The following ESYT3 variants were observed in gnomAD, a reference collection of about 807,000 sequenced individuals.
ESYT3 encodes extended synaptotagmin 3, also known as extended synaptotagmin-3.
Under a neutral mutation model 111.5 loss-of-function variants are expected in ESYT3, and 101 were observed. The ratio of observed to expected loss-of-function variants is 0.91; its 90% confidence interval spans 0.77 to 1.07. The LOEUF (loss-of-function observed/expected upper bound fraction) is 1.07. ESYT3 is among the 50% of genes least tolerant of loss of function. The probability of loss-of-function intolerance (pLI) is 0.00; values close to 1 mark genes in which losing one functional copy is unlikely to be tolerated. For synonymous variants in ESYT3, 416 were observed against 446.8 expected, an observed-to-expected ratio of 0.93 and a Z score of 0.87; for missense variants, 1,097 against 1,109.4, an observed-to-expected ratio of 0.99 and a Z score of 0.16.
At chr3:138,476,573 T>G (rs1397264009) in intron 22 of ESYT3, 81 bp downstream of exon 22, 2 of 1,418,242 alleles carry the variant, frequency 1.4e-6, no homozygotes, top group Non-Finnish European at 2.0e-6. Context: ...TCAGCTCCTT[T>G]GGTTATCAAG....
At chr3:138,462,862 C>T (rs2032722796) in intron 8 of ESYT3, among the ~76,000 whole-genome samples, 1 of 152,064 alleles carries the variant, frequency 6.6e-6, no homozygotes, top group Admixed American at 6.5e-5. Context: ...AGAGTTTTGC[C>T]ACGTTGGCCA....
intron 1 of ESYT3, among the ~76,000 whole-genome samples, chr3:138,439,237 A>G (rs2030957096): frequency 6.6e-6 from 1 of 152,050 alleles, no homozygotes; most frequent in Non-Finnish European, 1.5e-5. Flanking sequence ...CTTCCTAACT[A>G]CCTTTTCCTA....
Position 138,477,104 on chromosome 3 carries a change from T to G in ESYT3, c.*250T>G. 1 of 388,310 alleles carries G rather than the reference T, an allele frequency of 2.6e-6. No homozygotes were observed. The highest frequency in any genetic ancestry group is 4.1e-5 in the Admixed American group (1 of 24,334). The allele number at this position is 388,310 out of a possible 1,614,324, so 24.1% of individuals were successfully genotyped here. On this transcript the variant is annotated 3_prime_UTR_variant, in exon 23 of 23. Coordinates refer to ENST00000389567, the MANE Select transcript of ESYT3 (RefSeq NM_031913.5). ...TTTTGTTCAAGTCCAGAAAGAAATG[T>G]TATATTTGTGCCTACTAAATTATCC... is the stretch of plus-strand genomic sequence containing the variant.
rs199526713 is a variant in ESYT3, at chr3:138,476,802, C to T, written c.2625-16C>T. The T allele has an allele frequency of 6.8e-5, 110 of 1,613,450 alleles. No homozygotes were observed. Among genetic ancestry groups the T allele is most frequent in the East Asian group, 6.0e-4 (27 of 44,866 alleles). ...TGTCATTACTAACGTTAAGTCCAAA[C>T]GTAACTGTCTTACAGGTATGAGCTG... On this transcript the variant is annotated splice_polypyrimidine_tract_variant and intron_variant, in intron 22 of 22. Transcript: ENST00000389567.
intron 10 of ESYT3, 25 bp from the exon 11 acceptor site, chr3:138,467,536 A>G (rs767631019): frequency 6.2e-7 from 1 of 1,613,726 alleles, no homozygotes; most frequent in Non-Finnish European, 8.5e-7. Flanking sequence ...GAGCTGACCC[A>G]ATCCCCTCTC....
intron 11 of ESYT3, 44 bp downstream of exon 11, chr3:138,467,653 C>T: frequency 6.3e-7 from 1 of 1,595,238 alleles, no homozygotes; most frequent in Non-Finnish European, 8.6e-7. Flanking sequence ...TCAAGGTAGC[C>T]CTTTCCTGTG....
intron 10 of ESYT3, among the ~76,000 whole-genome samples, chr3:138,465,806 G>C (rs2032900254): frequency 6.6e-6 from 1 of 152,202 alleles, no homozygotes; most frequent in African/African-American, 2.4e-5. Context: ...CAGCCCTTCA[G>C]GGGTATGAGA....
Position 138,478,826 on chromosome 3 carries a change from G to C in ESYT3, c.*1972G>C, listed in dbSNP as rs2033601249. On this transcript the variant is annotated 3_prime_UTR_variant, in exon 23 of 23. Transcript: ENST00000389567. ...TGAGGACAAGAATTGGTTTTCAGCA[G>C]TGGGTGGAAACAATCAGCTAATATG... 6.6e-6 allele frequency: 1 copy of C among 152,248 alleles called. No homozygotes were observed. Among genetic ancestry groups the C allele is most frequent in the South Asian group, 2.1e-4 (1 of 4,830 alleles). The allele number at this position is 152,248 out of a possible 1,614,324, so 9.4% of individuals were successfully genotyped here.
intron 4 of ESYT3, among the ~76,000 whole-genome samples, chr3:138,458,444 G>A (rs890199162): frequency 3.3e-5 from 5 of 152,184 alleles, no homozygotes; most frequent in South Asian, 2.1e-4. Flanking sequence ...GGCAGCCCCC[G>A]GGGTCCCCAT....
intron 10 of ESYT3, 138 bp downstream of exon 10, chr3:138,465,559 C>A: frequency 1.5e-6 from 1 of 649,982 alleles, no homozygotes; most frequent in Non-Finnish European, 2.7e-6. Flanking sequence ...TGCCAGGCAA[C>A]CTGCCTCACC....
rs1328087405 is a variant in ESYT3, at chr3:138,439,659, G to A, written c.327+4534G>A. Among the ~76,000 whole-genome samples, 3 of 152,136 alleles carry A rather than the reference G, an allele frequency of 2.0e-5. No individual in the cohort carries two copies. The East Asian group carries it at 5.8e-4, about 29-fold the overall frequency. On this transcript the variant is annotated intron_variant, in intron 1 of 22. Transcript: ENST00000389567. Reference sequence around the variant, plus strand: ...GATCAGTGCTTCAACTGGATGATTGGGTTGCTTATCAGATATTGATTTGCC... The same window carrying A: ...GATCAGTGCTTCAACTGGATGATTGAGTTGCTTATCAGATATTGATTTGCC...
At chr3:138,480,604 T>A (rs1351112059), downstream of ESYT3, 1 of 152,216 alleles carries the variant, frequency 6.6e-6, no homozygotes, top group Non-Finnish European at 1.5e-5. Context: ...TCAATCTATA[T>A]GAATACATTC....
In ESYT3 at chr3:138,454,676, C is replaced by T. The variant is rs115375666; in HGVS notation, c.370-518C>T. On this transcript the variant is annotated intron_variant, in intron 2 of 22. Coordinates refer to ENST00000389567, the MANE Select transcript of ESYT3 (RefSeq NM_031913.5). Reference sequence around the variant, plus strand: ...CTCCCCTGTCTCTGCCATCTTCCTTCTCCCCAGGTCCTGCACTTCATTCCC... The same window carrying T: ...CTCCCCTGTCTCTGCCATCTTCCTTTTCCCCAGGTCCTGCACTTCATTCCC... 7.3e-3 allele frequency among the ~76,000 whole-genome samples: 1,111 copies of T among 152,368 alleles called. 16 individuals carry two copies. Among genetic ancestry groups the T allele is most frequent in the African/African-American group, 0.026 (1,068 of 41,586 alleles).
At chr3:138,481,143 A>T (rs1346552635), downstream of ESYT3, 1 of 152,272 alleles carries the variant, frequency 6.6e-6, no homozygotes, top group Non-Finnish European at 1.5e-5. Context: ...ATATAGGAGA[A>T]TAATTTCACA....
At chr3:138,465,181 G>GA (rs985822479) in intron 9 of ESYT3, among the ~76,000 whole-genome samples, 158 bp from the exon 10 acceptor site, 2 of 152,180 alleles carry the variant, frequency 1.3e-5, no homozygotes, top group African/African-American at 4.8e-5. Flanking sequence ...TCTTCCCCCC[G>GA]AAGGGGAGGG....
At chr3:138,456,191 C>T (rs975667142) in intron 3 of ESYT3, among the ~76,000 whole-genome samples, 5 of 152,360 alleles carry the variant, frequency 3.3e-5, no homozygotes, top group Non-Finnish European at 5.9e-5. Context: ...TTGGTTCATG[C>T]ATTCATTTCT....
In ESYT3 at chr3:138,469,422, TTGA is replaced by T; in HGVS notation, c.1435-12_1435-10del. Reference sequence around the variant, plus strand: ...CTATGCCACCTTCACTGTTATGGATTTGATTCCTCACAGAACAAGGTCAGCAAA... The same window carrying T: ...CTATGCCACCTTCACTGTTATGGATTTTCCTCACAGAACAAGGTCAGCAAA... On this transcript the variant is annotated splice_polypyrimidine_tract_variant and intron_variant, in intron 14 of 22. Transcript: ENST00000389567. 1 of 1,611,628 alleles carries T rather than the reference TTGA, an allele frequency of 6.2e-7. No homozygotes were observed.
chr3:138,459,377 T>C, intron 5 of ESYT3, 124 bp downstream of exon 5: 1 of 698,910 alleles, frequency 1.4e-6, no homozygotes, highest in Non-Finnish European at 2.2e-6. Context: ...CAGAGGATGG[T>C]GACTACGGAG....
chr3:138,459,489 C>T (rs1327809074), intron 5 of ESYT3, among the ~76,000 whole-genome samples: 1 of 152,242 alleles, frequency 6.6e-6, no homozygotes, highest in African/African-American at 2.4e-5. Flanking sequence ...TGCAAAGGCC[C>T]TGGGAGAGGC....
Sources: allele counts gnomAD v4.1 joint callset (sites outside exome capture counted in the v4.1 genomes callset), GRCh38; gene constraint gnomAD v4.1.1; transcripts MANE v1.5; gene names NCBI Gene and HGNC (gene_info 2026-07-23, HGNC 2026-07-21).